Variants in WDR25 observed in about 807,000 individuals in gnomAD.
WDR25 encodes the protein WD repeat domain 25.
Under a neutral mutation model 47.7 loss-of-function variants are expected in WDR25, and 35 were observed. The observed-to-expected ratio is 0.73, with a 90% CI of 0.56 to 0.97. The LOEUF (loss-of-function observed/expected upper bound fraction) is 0.97, where lower values mean the gene tolerates loss of function less well. Ranked by LOEUF, WDR25 falls within the 50% of genes least tolerant of loss-of-function variation. The pLI is 0.00. For missense variants in WDR25, 634 were observed against 704.7 expected, an observed-to-expected ratio of 0.90 and a Z score of 1.14; for synonymous variants, 248 against 278.9, an observed-to-expected ratio of 0.89 and a Z score of 1.10.
intron 2 of WDR25, among the ~76,000 whole-genome samples, chr14:100,414,049 G>A (rs1897794449): frequency 6.6e-6 from 1 of 150,866 alleles, no homozygotes; most frequent in Non-Finnish European, 1.5e-5. Context: ...AGGCTTGAGT[G>A]CAGTGGTGCA....
At chr14:100,391,251 C>T (rs1168383787) in intron 2 of WDR25, among the ~76,000 whole-genome samples, 2 of 152,114 alleles carry the variant, frequency 1.3e-5, no homozygotes, top group Non-Finnish European at 2.9e-5. Flanking sequence ...CTATATTTGA[C>T]CTTCATCTAG....
intron 3 of WDR25, among the ~76,000 whole-genome samples, chr14:100,477,399 A>T (rs1217570632): frequency 6.6e-6 from 1 of 152,252 alleles, no homozygotes; most frequent in Non-Finnish European, 1.5e-5. Flanking sequence ...AGATCAATAA[A>T]GTCAGTGCTA....
rs1269235579 is a variant in WDR25, at chr14:100,425,699, C to A, written c.823-42322C>A. Among the ~76,000 whole-genome samples, 1 of 152,166 alleles carries A rather than the reference C, an allele frequency of 6.6e-6. No homozygotes were observed. Among genetic ancestry groups the A allele is most frequent in the Non-Finnish European group, 1.5e-5 (1 of 68,028 alleles). On this transcript the variant is annotated intron_variant, in intron 2 of 6. Transcript: ENST00000402312. The surrounding 1 kb of genome is among the most constrained non-coding windows in gnomAD (Gnocchi z 4.8). ...CAAGCTTTCGTTTTGAAGGAGTTCT[C>A]AAAAATGACAGGTTTTATTTCAAGG...
chr14:100,394,931 G>A lies in WDR25; in HGVS notation c.822+13185G>A, dbSNP rs568730576. Reference sequence around the variant, plus strand: ...GCCCAGGAGGTTAAGGCCACAGTGAGCCATGATTGTGCCACTGCACTCAAG... The same window carrying A: ...GCCCAGGAGGTTAAGGCCACAGTGAACCATGATTGTGCCACTGCACTCAAG... On this transcript the variant is annotated intron_variant, in intron 2 of 6. Coordinates refer to ENST00000402312, the MANE Select transcript of WDR25 (RefSeq NM_001161476.3). 5.2e-4 allele frequency among the ~76,000 whole-genome samples: 79 copies of A among 152,272 alleles called. 1 individual carries two copies. The highest frequency in any genetic ancestry group is 1.4e-3 in the South Asian group (7 of 4,830).
At chr14:100,464,156 T>C (rs1899522747) in intron 2 of WDR25, among the ~76,000 whole-genome samples, 1 of 152,156 alleles carries the variant, frequency 6.6e-6, no homozygotes, top group Non-Finnish European at 1.5e-5. Context: ...TGCTCACTTC[T>C]CTAGCTGCAG....
intron 2 of WDR25, among the ~76,000 whole-genome samples, chr14:100,414,750 G>A (rs925687338): frequency 1.3e-5 from 2 of 152,092 alleles, no homozygotes; most frequent in African/African-American, 4.8e-5. Flanking sequence ...CCTGCTTTGA[G>A]CAACGAGGTG....
chr14:100,395,726 T>A lies in WDR25; in HGVS notation c.822+13980T>A, dbSNP rs966775681. ...ATTTGTTTTCTTCCCTTGTTTTATC[T>A]CCAGTTTGAATGAATAGCACCTGCT... On this transcript the variant is annotated intron_variant, in intron 2 of 6. Coordinates refer to ENST00000402312, the MANE Select transcript of WDR25 (RefSeq NM_001161476.3). 1.2e-4 allele frequency among the ~76,000 whole-genome samples: 19 copies of A among 152,306 alleles called. No individual in the cohort carries two copies. The East Asian group carries it at 3.3e-3, about 26-fold the overall frequency.
At chr14:100,464,434 T>G (rs1899533260) in intron 2 of WDR25, among the ~76,000 whole-genome samples, 2 of 152,302 alleles carry the variant, frequency 1.3e-5, no homozygotes, top group East Asian at 1.9e-4. Context: ...TCTCCCTCAC[T>G]AGAATATAAA....
intron 1 of WDR25, among the ~76,000 whole-genome samples, chr14:100,380,112 A>G (rs1465937523): frequency 6.7e-6 from 1 of 149,398 alleles, no homozygotes; most frequent in Non-Finnish European, 1.5e-5. Flanking sequence ...CAGTGGTGCA[A>G]TCTCAGGTCA....
intron 4 of WDR25, among the ~76,000 whole-genome samples, chr14:100,519,787 C>A (rs1901643095): frequency 1.5e-5 from 2 of 132,340 alleles, no homozygotes; most frequent in Admixed American, 8.1e-5. Context: ...AGTATATATA[C>A]TATACTATAT....
intron 2 of WDR25, among the ~76,000 whole-genome samples, chr14:100,453,661 T>C (rs1225960994): frequency 1.3e-5 from 2 of 152,178 alleles, no homozygotes; most frequent in Non-Finnish European, 2.9e-5. Flanking sequence ...ACTCCCACCA[T>C]TGGACAGGCT....
intron 2 of WDR25, among the ~76,000 whole-genome samples, chr14:100,426,158 G>A (rs1474956209): frequency 6.6e-6 from 1 of 152,200 alleles, no homozygotes; most frequent in Non-Finnish European, 1.5e-5. Flanking sequence ...TACAAATTAA[G>A]TTTTCTGGGA....
intron 2 of WDR25, among the ~76,000 whole-genome samples, chr14:100,418,151 A>G (rs1897921603): frequency 6.6e-6 from 1 of 151,178 alleles, no homozygotes; most frequent in African/African-American, 2.4e-5. Context: ...CATGTTGATC[A>G]GACTGGTTTC....
At chr14:100,467,709 C>T (rs1026847859) in intron 2 of WDR25, among the ~76,000 whole-genome samples, 3 of 152,108 alleles carry the variant, frequency 2.0e-5, no homozygotes, top group Non-Finnish European at 2.9e-5. Flanking sequence ...TGGTCTTGAA[C>T]TCCTGAGCTC....
rs770625967 is a variant in WDR25, at chr14:100,381,483, TTAAGCA to T, written c.560_565del (p.Leu187_Thr189delinsSer). The stretch of plus-strand genomic sequence containing the variant: ...CAGAAGACTAAGACAGCGGCAGGCA[TTAAGCA>T]CGGAGACAGGCAAGGGTAAAGACGT... On this transcript the variant is annotated inframe_deletion, in exon 2 of 7. Transcript: ENST00000402312. 1.3e-5 allele frequency: 21 copies of T among 1,614,018 alleles called. 1 individual carries two copies. The Admixed American group carries it at 1.8e-4, about 14-fold the overall frequency.
rs771769224 is a variant in WDR25 at position 100,425,958 on chromosome 14, C to A, written c.823-42063C>A. On this transcript the variant is annotated intron_variant, in intron 2 of 6. Coordinates refer to ENST00000402312, the MANE Select transcript of WDR25 (RefSeq NM_001161476.3). This position sits in a 1 kb window ranked among gnomAD's most constrained non-coding sequence, Gnocchi z 4.8. ...CGAGGACGCCGTCCTGACATTTCCACCCCAAATGGGATTTGCATAAGCCCA... is the reference window on the plus strand; with the variant it reads ...CGAGGACGCCGTCCTGACATTTCCAACCCAAATGGGATTTGCATAAGCCCA... 2.4e-4 allele frequency among the ~76,000 whole-genome samples: 37 copies of A among 152,332 alleles called. No homozygotes were observed. Among genetic ancestry groups the A allele is most frequent in the Non-Finnish European group, 4.7e-4 (32 of 68,034 alleles).
chr14:100,498,558 G>T lies in WDR25; in HGVS notation c.1101+14434G>T, dbSNP rs569154432. ...TTCCTAGTTTAGAGGATTCAGAGAA[G>T]CTGCAGGAAATGTCTCTTGCCCTGC... On this transcript the variant is annotated intron_variant, in intron 4 of 6. Transcript: ENST00000402312. This position sits in a 1 kb window ranked among gnomAD's most constrained non-coding sequence, Gnocchi z 4.2. 2.0e-5 allele frequency among the ~76,000 whole-genome samples: 3 copies of T among 152,312 alleles called. No homozygotes were observed. The highest frequency in any genetic ancestry group is 4.8e-5 in the African/African-American group (2 of 41,572).
chr14:100,396,880 T>C (rs1214291341), intron 2 of WDR25, among the ~76,000 whole-genome samples: 2 of 152,226 alleles, frequency 1.3e-5, no homozygotes, highest in African/African-American at 4.8e-5. Context: ...ACAGACCTGT[T>C]GTGAGGATAA....
chr14:100,447,820 C>T (rs1229052869), intron 2 of WDR25, among the ~76,000 whole-genome samples: 3 of 152,144 alleles, frequency 2.0e-5, no homozygotes, highest in Non-Finnish European at 4.4e-5. Context: ...GAGCTATTGG[C>T]ACCAGGGAAA....
Sources: gnomAD v4.1 joint callset for allele counts (sites outside exome capture counted in the v4.1 genomes callset) on GRCh38, gnomAD v4.1.1 for gene constraint, Gnocchi (gnomAD v3.1) non-coding constraint, MANE v1.5 for transcripts, NCBI Gene and HGNC (gene_info 2026-07-23, HGNC 2026-07-21) for gene names.